The following NEBL variants were observed in gnomAD, a reference collection of about 807,000 sequenced individuals.
The protein encoded by NEBL is nebulette.
NEBL carries 122 observed loss-of-function variants against 140.2 expected under a neutral mutation model. The observed-to-expected ratio is 0.87, with a 90% CI of 0.75 to 1.01. The LOEUF (loss-of-function observed/expected upper bound fraction) is 1.01, where lower values mean the gene tolerates loss of function less well. Among genes scored for constraint, NEBL ranks in the 50% least tolerant of loss-of-function variants. The pLI is 0.00. For missense variants in NEBL, 1,365 were observed against 1,231.3 expected (o/e 1.11, Z -1.62); for synonymous variants, 436 against 398.9 (o/e 1.09, Z -1.11).
At chr10:21,018,429 A>C (rs1007791918) in intron 3 of NEBL, among the ~76,000 whole-genome samples, 1 of 152,144 alleles carries the variant, frequency 6.6e-6, no homozygotes, top group Non-Finnish European at 1.5e-5. Flanking sequence ...GAATGAACAG[A>C]GGTGTTCTTG....
chr10:21,150,033 A>G (rs561926765), intron 2 of NEBL, among the ~76,000 whole-genome samples: 90 of 152,204 alleles, frequency 5.9e-4, no homozygotes, highest in Non-Finnish European at 1.2e-3. Flanking sequence ...TACTTAAGTT[A>G]TGTTCCTTTT....
chr10:20,906,762 A>G (rs972952943), intron 4 of NEBL, among the ~76,000 whole-genome samples: 2 of 152,142 alleles, frequency 1.3e-5, no homozygotes, highest in Non-Finnish European at 2.9e-5. Flanking sequence ...TTTACTTGTT[A>G]ATAAGTTCAC....
At position 21,001,237 on chromosome 10, in the gene NEBL, C is replaced by T. The variant is rs1021468035; in HGVS notation, c.249+18880G>A. Among the ~76,000 whole-genome samples, 3 of 152,134 alleles carry T rather than the reference C, an allele frequency of 2.0e-5. No individual in the cohort carries two copies. The South Asian group carries it at 6.2e-4, about 32-fold the overall frequency. ...AAAAGCTAACAGCACCTGGTTGTCA[C>T]ATTCCAGGTGAAAACAGGTACCTAG... is the stretch of plus-strand genomic sequence containing the variant. On this transcript the variant is annotated intron_variant, in intron 3 of 6. Coordinates refer to the NEBL transcript ENST00000417816.
rs577416152 is a variant in NEBL, at chr10:20,975,137, T to C, written c.250-13358A>G. On this transcript the variant is annotated intron_variant, in intron 3 of 6. Coordinates refer to the NEBL transcript ENST00000417816. The stretch of plus-strand genomic sequence containing the variant: ...CCAAAATGACATAGGACCATTCTTT[T>C]TCCTCTACAATAAATACCTCAAGAG... 2.0e-5 allele frequency among the ~76,000 whole-genome samples: 3 copies of C among 152,344 alleles called. No homozygotes were observed. The East Asian group carries it at 5.8e-4, about 29-fold the overall frequency.
At position 21,029,927 on chromosome 10, in the gene NEBL, C is replaced by A; in HGVS notation, c.165-9726G>T. The A allele has an allele frequency of 5.1e-6, 3 of 587,892 alleles. No individual in the cohort carries two copies. In the South Asian group the frequency reaches 5.3e-5, roughly 10 times the overall value. 36.4% of individuals were successfully genotyped at this position (587,892 alleles called of 1,614,324 possible). A position where few individuals can be genotyped will look rare whatever the true frequency, so the allele number is the denominator to read the frequency against. ...CGATACAACAGATGGGATGATGGGT[C>A]GTGCAGCTCCAGAGATGATTTCTCT... On this transcript the variant is annotated intron_variant, in intron 2 of 6. Coordinates refer to the NEBL transcript ENST00000417816.
At chr10:20,883,819 A>G (rs1846227689) in intron 4 of NEBL, among the ~76,000 whole-genome samples, 1 of 152,246 alleles carries the variant, frequency 6.6e-6, no homozygotes, top group Non-Finnish European at 1.5e-5. Flanking sequence ...TTCTACTTGC[A>G]GCATTAACAT....
chr10:20,863,108 G>A (rs1161096353), intron 7 of NEBL, among the ~76,000 whole-genome samples: 20 of 152,134 alleles, frequency 1.3e-4, no homozygotes, highest in Admixed American at 1.3e-3. Context: ...CACGGATACT[G>A]TTAAGCTACA....
chr10:21,272,058 C>T (rs372103922), intron 1 of NEBL, among the ~76,000 whole-genome samples: 9 of 149,716 alleles, frequency 6.0e-5, no homozygotes, highest in African/African-American at 2.0e-4. Context: ...CCCAGGTTCA[C>T]ACCATTCTTC....
chr10:21,237,405 G>A (rs368345362), intron 3 of NEBL, among the ~76,000 whole-genome samples: 3 of 151,846 alleles, frequency 2.0e-5, no homozygotes, highest in African/African-American at 4.8e-5. Flanking sequence ...AGGTTTCACC[G>A]TGTTGGCCAG....
At chr10:20,835,843 G>T (rs1840837123) in intron 13 of NEBL, among the ~76,000 whole-genome samples, 1 of 152,186 alleles carries the variant, frequency 6.6e-6, no homozygotes, top group Non-Finnish European at 1.5e-5. Context: ...AAAATGTTTA[G>T]TATACAAAGG....
chr10:21,088,128 C>A (rs1365091587), intron 2 of NEBL, among the ~76,000 whole-genome samples: 1 of 152,194 alleles, frequency 6.6e-6, no homozygotes, highest in Non-Finnish European at 1.5e-5. Flanking sequence ...TACATTCTCA[C>A]CCTGGGGCCC....
intron 4 of NEBL, among the ~76,000 whole-genome samples, chr10:20,887,409 A>T (rs2131356629): frequency 7.3e-6 from 1 of 137,688 alleles, no homozygotes; most frequent in African/African-American, 2.8e-5. Context: ...CCTGAATTCA[A>T]CCTTTTTTTT....
chr10:20,973,599 T>C lies in NEBL; in HGVS notation c.250-11820A>G, dbSNP rs569130272. 9.3e-4 allele frequency among the ~76,000 whole-genome samples: 141 copies of C among 152,358 alleles called. No individual in the cohort carries two copies. The Middle Eastern group carries it at 0.01, about 11-fold the overall frequency. ...TGTATCAGAAACCTATAATTTGATC[T>C]ACCCAAATCCTCCCTCCTTCTAGTA... is the stretch of plus-strand genomic sequence containing the variant. On this transcript the variant is annotated intron_variant, in intron 3 of 6. Transcript: ENST00000417816.
chr10:20,833,236 T>C (rs1488236159), intron 14 of NEBL, among the ~76,000 whole-genome samples: 1 of 152,154 alleles, frequency 6.6e-6, no homozygotes, highest in African/African-American at 2.4e-5. Context: ...GTGTTTATAG[T>C]CTGAGTCACA....
At chr10:21,210,056 T>C (rs570418796) in intron 3 of NEBL, among the ~76,000 whole-genome samples, 1 of 152,296 alleles carries the variant, frequency 6.6e-6, no homozygotes, top group South Asian at 2.1e-4. Flanking sequence ...AATGTCCTTA[T>C]TGTTTAAGAT....
intron 4 of NEBL, among the ~76,000 whole-genome samples, chr10:20,934,928 G>A (rs1230196100): frequency 1.3e-5 from 2 of 152,186 alleles, no homozygotes; most frequent in East Asian, 1.9e-4. Flanking sequence ...TATCACGATA[G>A]GTCAAGAGTT....
chr10:20,890,616 T>C (rs1252643302), intron 2 of NEBL, among the ~76,000 whole-genome samples: 1 of 152,182 alleles, frequency 6.6e-6, no homozygotes, highest in East Asian at 1.9e-4. Context: ...GAAGGCCTTC[T>C]TGCTGGAGAT....
At chr10:20,786,320 T>C (rs1365915111) in intron 27 of NEBL, among the ~76,000 whole-genome samples, 3 of 152,200 alleles carry the variant, frequency 2.0e-5, no homozygotes, top group Admixed American at 6.5e-5. Flanking sequence ...TTTTCTTAAG[T>C]TGATGCTAAA....
chr10:21,203,423 T>C (rs1841774713), intron 3 of NEBL, among the ~76,000 whole-genome samples: 1 of 152,248 alleles, frequency 6.6e-6, no homozygotes, highest in Admixed American at 6.5e-5. Context: ...CTCCAACTTA[T>C]GGACTGAAAT....
Sources: gnomAD v4.1 joint callset for allele counts (sites outside exome capture counted in the v4.1 genomes callset) on GRCh38, gnomAD v4.1.1 for gene constraint, MANE v1.5 for transcripts, NCBI Gene and HGNC (gene_info 2026-07-23, HGNC 2026-07-21) for gene names.